The following AIG1 variants were observed in gnomAD, a reference collection of about 807,000 sequenced individuals.
The protein encoded by AIG1 is androgen induced 1.
In AIG1, 23 loss-of-function variants were observed where a neutral mutation model predicts 31.4. That is an observed-to-expected ratio of 0.73 (90% confidence interval 0.53 to 1.04). The LOEUF is 1.04. Ranked by LOEUF, AIG1 falls within the 50% of genes least tolerant of loss-of-function variation. The pLI is 0.00. For missense variants in AIG1, 274 were observed against 295.0 expected (o/e 0.93, Z 0.52); for synonymous variants, 100 against 110.5 (o/e 0.90, Z 0.60).
chr6:143,059,239 C>T (rs975045966), upstream of AIG1, among the ~76,000 whole-genome samples: 1 of 152,208 alleles, frequency 6.6e-6, no homozygotes, highest in Non-Finnish European at 1.5e-5. Flanking sequence ...CCCTTTCATG[C>T]TGTGGAAGCT....
intron 1 of AIG1, among the ~76,000 whole-genome samples, chr6:143,067,020 AT>A (rs1776775925): frequency 1.3e-5 from 2 of 151,938 alleles, no homozygotes; most frequent in Non-Finnish European, 2.9e-5. Context: ...ATTAAACATT[AT>A]TTGGGGGTGC....
intron 4 of AIG1, among the ~76,000 whole-genome samples, chr6:143,312,511 C>T (rs568659902): frequency 2.5e-4 from 38 of 152,032 alleles, no homozygotes; most frequent in South Asian, 1.0e-3. Flanking sequence ...TCCATATGTA[C>T]AAGAATGAAA....
intron 3 of AIG1, chr6:143,188,772 G>A (rs1583459377): frequency 1.0e-6 from 1 of 985,266 alleles, no homozygotes. Flanking sequence ...AGTAATCCTG[G>A]GAAACATACA....
chr6:143,191,537 G>A (rs9403460), intron 3 of AIG1, among the ~76,000 whole-genome samples: 147,063 of 152,218 alleles, frequency 0.97, 71,101 homozygotes, highest in East Asian at 1. Flanking sequence ...ACTTTTCCAT[G>A]AATCCTATAA....
chr6:143,235,625 G>A lies in AIG1; in HGVS notation c.400-48485G>A, dbSNP rs1226810615. Reference sequence around the variant, plus strand: ...CTTCTCCCCTGATTCATTTGTAGGGGAAGAAGAAAAGTCTAGGTTCCTGGC... The same window carrying A: ...CTTCTCCCCTGATTCATTTGTAGGGAAAGAAGAAAAGTCTAGGTTCCTGGC... On this transcript the variant is annotated intron_variant, in intron 3 of 5. Transcript: ENST00000357847. 2.6e-5 allele frequency among the ~76,000 whole-genome samples: 3 copies of A among 114,108 alleles called. No homozygotes were observed. In the East Asian group the frequency reaches 4.1e-3, roughly 156 times the overall value. 74.9% of individuals were successfully genotyped at this position (114,108 alleles called of 152,430 possible).
intron 2 of AIG1, among the ~76,000 whole-genome samples, chr6:143,153,302 A>G (rs1007614516): frequency 2.6e-5 from 4 of 152,190 alleles, no homozygotes; most frequent in Admixed American, 2.6e-4. Flanking sequence ...GGGAAGATGT[A>G]CCTGGTCAAA....
At chr6:143,317,898 C>T (rs9390081) in intron 4 of AIG1, among the ~76,000 whole-genome samples, 3 of 151,920 alleles carry the variant, frequency 2.0e-5, no homozygotes, top group Admixed American at 2.0e-4. Context: ...TTTACAGTAG[C>T]TGCAAAAAAT....
At chr6:143,172,648 A>G (rs1267570901) in intron 3 of AIG1, among the ~76,000 whole-genome samples, 1 of 152,108 alleles carries the variant, frequency 6.6e-6, no homozygotes, top group Non-Finnish European at 1.5e-5. Flanking sequence ...ATTGGTACCA[A>G]TTCTTCTTTG....
intron 3 of AIG1, among the ~76,000 whole-genome samples, chr6:143,210,754 G>T (rs377438703): frequency 1.3e-5 from 2 of 152,090 alleles, no homozygotes; most frequent in African/African-American, 4.8e-5. Context: ...GAGAAAATAC[G>T]TAGAGAGAAA....
At chr6:143,115,846 G>A (rs370476778) in intron 1 of AIG1, among the ~76,000 whole-genome samples, 2 of 152,334 alleles carry the variant, frequency 1.3e-5, no homozygotes, top group African/African-American at 4.8e-5. Context: ...CCCGACAGGT[G>A]TACTGGCTGT....
At chr6:143,074,254 AT>A (rs1273458593) in intron 1 of AIG1, among the ~76,000 whole-genome samples, 1 of 152,112 alleles carries the variant, frequency 6.6e-6, no homozygotes, top group East Asian at 1.9e-4. Context: ...AGTCTCATTT[AT>A]TTACTTTTGA....
At chr6:143,160,776 C>T (rs1786293369) in intron 2 of AIG1, among the ~76,000 whole-genome samples, 1 of 152,176 alleles carries the variant, frequency 6.6e-6, no homozygotes, top group Admixed American at 6.6e-5. Flanking sequence ...ACCATCTGTG[C>T]TGTGTTTATA....
chr6:143,165,313 T>C, intron 3 of AIG1, 130 bp downstream of exon 3: 1 of 657,874 alleles, frequency 1.5e-6, no homozygotes, highest in Non-Finnish European at 2.6e-6. Context: ...TAATGGGAGA[T>C]TAAAATTAGA....
At chr6:143,084,817 G>A (rs115272014) in intron 1 of AIG1, among the ~76,000 whole-genome samples, 9,371 of 152,186 alleles carry the variant, frequency 0.062, 682 homozygotes, top group East Asian at 0.37. Flanking sequence ...TAGCACACAA[G>A]TTAGTAAATG....
chr6:143,184,375 G>A (rs78723395), intron 3 of AIG1, among the ~76,000 whole-genome samples: 5,446 of 152,258 alleles, frequency 0.036, 391 homozygotes, highest in East Asian at 0.3. Flanking sequence ...GTCCTTCCCT[G>A]GTCTGTGCTT....
At chr6:143,137,275 C>T (rs1783851396) in intron 2 of AIG1, among the ~76,000 whole-genome samples, 1 of 152,170 alleles carries the variant, frequency 6.6e-6, no homozygotes, top group African/African-American at 2.4e-5. Flanking sequence ...ACACTCATCC[C>T]TCTGTGCCTG....
chr6:143,239,410 T>G (rs749536332), intron 3 of AIG1, among the ~76,000 whole-genome samples: 1 of 152,166 alleles, frequency 6.6e-6, no homozygotes, highest in African/African-American at 2.4e-5. Context: ...TGTGCTCACT[T>G]CCTTTGTTGG....
At chr6:143,307,224 C>A (rs1261074269) in intron 4 of AIG1, among the ~76,000 whole-genome samples, 1 of 152,234 alleles carries the variant, frequency 6.6e-6, no homozygotes, top group Non-Finnish European at 1.5e-5. Flanking sequence ...CTCCATCCAG[C>A]TTTGTTCTGT....
At chr6:143,247,773 C>T (rs890731756) in intron 3 of AIG1, among the ~76,000 whole-genome samples, 17 of 152,218 alleles carry the variant, frequency 1.1e-4, no homozygotes, top group African/African-American at 4.1e-4. Context: ...CAGCCTTCCT[C>T]TGGGATCTCT....
Sources: gnomAD v4.1 joint callset for allele counts (sites outside exome capture counted in the v4.1 genomes callset) on GRCh38, gnomAD v4.1.1 for gene constraint, MANE v1.5 for transcripts, NCBI Gene and HGNC (gene_info 2026-07-23, HGNC 2026-07-21) for gene names.